DRC11: variants seen among roughly 807,000 people sequenced by gnomAD.
The protein encoded by DRC11 is dynein regulatory complex subunit 11.
chr2:236,423,437 G>A, the DRC11 span, among the ~76,000 whole-genome samples: 9 of 152,050 alleles, frequency 5.9e-5, no homozygotes, highest in Non-Finnish European at 1.2e-4. Context: ...GCAGCCAAAC[G>A]ACACATGAAA....
the DRC11 span, chr2:236,333,499 G>A: frequency 2.6e-5 from 4 of 153,668 alleles, no homozygotes; most frequent in Admixed American, 2.0e-4. This position sits in a 1 kb window ranked among gnomAD's most constrained non-coding sequence, Gnocchi z 6.0. Flanking sequence ...TCTGAGTGGC[G>A]ACTCTGGAAG....
At chr2:236,325,944 G>A in the DRC11 span, among the ~76,000 whole-genome samples, 1 of 152,184 alleles carries the variant, frequency 6.6e-6, no homozygotes, top group Non-Finnish European at 1.5e-5. The surrounding 1 kb of genome is among the most constrained non-coding windows in gnomAD (Gnocchi z 4.4). Flanking sequence ...TCTCTTGTAT[G>A]CCAGTTTAGC....
At chr2:236,339,476 C>G in the DRC11 span, among the ~76,000 whole-genome samples, 30,195 of 152,084 alleles carry the variant, frequency 0.2, 3,254 homozygotes, top group African/African-American at 0.23. Flanking sequence ...ATCTAAGGAA[C>G]AACTGCCTAA....
chr2:236,306,723 A>G, the DRC11 span, among the ~76,000 whole-genome samples: 3 of 152,182 alleles, frequency 2.0e-5, no homozygotes, highest in Non-Finnish European at 4.4e-5. This position sits in a 1 kb window ranked among gnomAD's most constrained non-coding sequence, Gnocchi z 5.9. Flanking sequence ...TGGGGAAGGC[A>G]TGTCAGATCC....
At chr2:236,324,902 A>G in the DRC11 span, 1 of 681,098 alleles carries the variant, frequency 1.5e-6, no homozygotes, top group Admixed American at 2.7e-5. The surrounding 1 kb of genome is among the most constrained non-coding windows in gnomAD (Gnocchi z 5.7). Flanking sequence ...TACTTTGGGC[A>G]TTTAAGGTAT....
the DRC11 span, among the ~76,000 whole-genome samples, chr2:236,478,003 A>T: frequency 1.6e-5 from 2 of 123,558 alleles, no homozygotes; most frequent in South Asian, 2.4e-4. This position sits in a 1 kb window ranked among gnomAD's most constrained non-coding sequence, Gnocchi z 5.9. Flanking sequence ...CGTTTTGTTG[A>T]TTTGTGTGTG....
chr2:236,453,125 A>T, the DRC11 span, among the ~76,000 whole-genome samples: 2 of 152,366 alleles, frequency 1.3e-5, no homozygotes, highest in East Asian at 3.9e-4. The surrounding 1 kb of genome is among the most constrained non-coding windows in gnomAD (Gnocchi z 4.9). Context: ...CCTCATTGAT[A>T]GGAGCAGGTC....
At chr2:236,318,654 G>A in the DRC11 span, among the ~76,000 whole-genome samples, 2 of 152,044 alleles carry the variant, frequency 1.3e-5, no homozygotes, top group African/African-American at 2.4e-5. This position sits in a 1 kb window ranked among gnomAD's most constrained non-coding sequence, Gnocchi z 7.0. Flanking sequence ...ATGTGTGCAT[G>A]TGTTTGTGTA....
At chr2:236,488,879 A>G in the DRC11 span, among the ~76,000 whole-genome samples, 4 of 152,236 alleles carry the variant, frequency 2.6e-5, 1 homozygote, top group East Asian at 1.9e-4. Context: ...AAGAGGGACA[A>G]GAACAAAGGG....
At chr2:236,507,150 G>T in the DRC11 span, 1 of 1,138,390 alleles carries the variant, frequency 8.8e-7, no homozygotes, top group East Asian at 2.5e-5. Flanking sequence ...AAGTTGAGAG[G>T]GGAGGAGAAA....
the DRC11 span, among the ~76,000 whole-genome samples, chr2:236,497,759 A>C: frequency 6.6e-6 from 1 of 152,216 alleles, no homozygotes; most frequent in Non-Finnish European, 1.5e-5. The surrounding 1 kb of genome is among the most constrained non-coding windows in gnomAD (Gnocchi z 5.1). Flanking sequence ...TGGCCCATAA[A>C]GCCACTATTA....
the DRC11 span, among the ~76,000 whole-genome samples, chr2:236,352,109 G>T: frequency 6.6e-6 from 1 of 152,164 alleles, no homozygotes; most frequent in African/African-American, 2.4e-5. This position sits in a 1 kb window ranked among gnomAD's most constrained non-coding sequence, Gnocchi z 7.0. Context: ...AGAGGAGGAG[G>T]TCCGGGCTGC....
chr2:236,378,834 C>T, the DRC11 span, among the ~76,000 whole-genome samples: 1 of 152,144 alleles, frequency 6.6e-6, no homozygotes, highest in African/African-American at 2.4e-5. Flanking sequence ...TCCCCAGGAA[C>T]TGGGGCACCT....
the DRC11 span, among the ~76,000 whole-genome samples, chr2:236,328,085 C>G: frequency 6.6e-6 from 1 of 151,692 alleles, no homozygotes; most frequent in South Asian, 2.1e-4. The surrounding 1 kb of genome is among the most constrained non-coding windows in gnomAD (Gnocchi z 6.7). Context: ...TCAGAATGTC[C>G]TTTTATCTCA....
At chr2:236,373,454 T>C in the DRC11 span, among the ~76,000 whole-genome samples, 2 of 152,146 alleles carry the variant, frequency 1.3e-5, no homozygotes, top group Admixed American at 1.3e-4. Flanking sequence ...TTCCTCCATG[T>C]TGGCCAGGCT....
the DRC11 span, chr2:236,408,528 C>T: frequency 1.4e-6 from 1 of 731,156 alleles, no homozygotes; most frequent in East Asian, 2.5e-5. The surrounding 1 kb of genome is among the most constrained non-coding windows in gnomAD (Gnocchi z 5.5). Flanking sequence ...TCACCTGGAT[C>T]TCCATCAGCG....
the DRC11 span, among the ~76,000 whole-genome samples, chr2:236,362,354 ACTC>A: frequency 1.3e-5 from 2 of 152,208 alleles, no homozygotes; most frequent in South Asian, 2.1e-4. The surrounding 1 kb of genome is among the most constrained non-coding windows in gnomAD (Gnocchi z 5.7). Context: ...AGCAAGGCTA[ACTC>A]CTCCTCTTCT....
chr2:236,371,032 C>T, the DRC11 span, among the ~76,000 whole-genome samples: 23 of 152,284 alleles, frequency 1.5e-4, no homozygotes, highest in African/African-American at 5.3e-4. This position sits in a 1 kb window ranked among gnomAD's most constrained non-coding sequence, Gnocchi z 5.1. Context: ...AAAGCAACTT[C>T]GTGTCCAGCG....
the DRC11 span, chr2:236,497,212 G>A: frequency 6.9e-5 from 112 of 1,612,978 alleles, no homozygotes; most frequent in African/African-American, 7.1e-4. The surrounding 1 kb of genome is among the most constrained non-coding windows in gnomAD (Gnocchi z 5.1). Context: ...ATGGAACTCC[G>A]TGAGTTCCAG....
Sources: gnomAD v4.1 joint callset for allele counts (sites outside exome capture counted in the v4.1 genomes callset) on GRCh38, gnomAD v4.1.1 for gene constraint, Gnocchi (gnomAD v3.1) non-coding constraint, MANE v1.5 for transcripts, NCBI Gene and HGNC (gene_info 2026-07-23, HGNC 2026-07-21) for gene names.